The following CDH2 variants were observed in gnomAD, a reference collection of about 807,000 sequenced individuals.
The protein encoded by CDH2 is cadherin 2, also known as cadherin-2.
In CDH2, 17 loss-of-function variants were observed where a neutral mutation model predicts 92.0. The observed-to-expected ratio is 0.18, with a 90% CI of 0.13 to 0.28. The LOEUF (loss-of-function observed/expected upper bound fraction) is 0.28. Among genes scored for constraint, CDH2 ranks in the 10% least tolerant of loss-of-function variants. The pLI, the probability that CDH2 is intolerant of heterozygous loss-of-function variation, is 1.00. For missense variants in CDH2, 862 were observed against 1,133.1 expected (o/e 0.76, Z 3.44); for synonymous variants, 419 against 415.9 (o/e 1.01, Z -0.09).
At chr18:28,166,151 T>TATATATAC (rs1555648254) in intron 1 of CDH2, among the ~76,000 whole-genome samples, 99 of 130,562 alleles carry the variant, frequency 7.6e-4, no homozygotes, top group Admixed American at 5.3e-3. Flanking sequence ...GACACACTCA[T>TATATATAC]ATATATATAT....
chr18:27,989,340 G>A (rs1456785212), intron 10 of CDH2, among the ~76,000 whole-genome samples: 1 of 152,162 alleles, frequency 6.6e-6, no homozygotes, highest in Non-Finnish European at 1.5e-5. Flanking sequence ...GCTATGTTTG[G>A]AAAGGTACAA....
At chr18:28,001,875 G>A (rs2012777716) in intron 7 of CDH2, among the ~76,000 whole-genome samples, 1 of 152,192 alleles carries the variant, frequency 6.6e-6, no homozygotes, top group Admixed American at 6.5e-5. Flanking sequence ...CAAATAAAGT[G>A]TCAAAAAACA....
intron 6 of CDH2, among the ~76,000 whole-genome samples, chr18:27,943,712 T>C (rs1331336418): frequency 6.6e-6 from 1 of 152,190 alleles, no homozygotes; most frequent in Non-Finnish European, 1.5e-5. Context: ...TGTTGTTGGA[T>C]GGGTTTCTGT....
chr18:28,100,623 T>C (rs971397656), intron 2 of CDH2, among the ~76,000 whole-genome samples: 1 of 151,814 alleles, frequency 6.6e-6, no homozygotes, highest in African/African-American at 2.4e-5. Flanking sequence ...AGAGGAGTCC[T>C]GAGTTTCTCC....
At chr18:27,976,086 A>T (rs760423256) in intron 14 of CDH2, among the ~76,000 whole-genome samples, 3 of 152,194 alleles carry the variant, frequency 2.0e-5, no homozygotes, top group Non-Finnish European at 2.9e-5. Flanking sequence ...ATTATTCAGA[A>T]GGAACCAATC....
chr18:28,065,138 T>A (rs2014482074), intron 2 of CDH2, among the ~76,000 whole-genome samples: 1 of 152,190 alleles, frequency 6.6e-6, no homozygotes, highest in Admixed American at 6.5e-5. Context: ...TGTAGCTCAC[T>A]GTAATACTCT....
At chr18:28,138,699 A>C (rs896311230) in intron 2 of CDH2, among the ~76,000 whole-genome samples, 8 of 152,086 alleles carry the variant, frequency 5.3e-5, no homozygotes, top group Non-Finnish European at 1.0e-4. Flanking sequence ...GTTCCTTGAG[A>C]AAGGCCTGCC....
chr18:28,141,078 G>A (rs1486858321), intron 2 of CDH2, among the ~76,000 whole-genome samples: 1 of 151,746 alleles, frequency 6.6e-6, no homozygotes, highest in Admixed American at 6.6e-5. Flanking sequence ...CTGCTAGTGG[G>A]AATGCAAAAT....
Position 27,992,708 on chromosome 18 carries a change from A to G in CDH2, c.1291T>C (p.Phe431Leu), listed in dbSNP as rs1599017041. The G allele has an allele frequency of 1.2e-6, 2 of 1,613,712 alleles. No homozygotes were observed. Among genetic ancestry groups the G allele is most frequent in the South Asian group, 2.2e-5 (2 of 91,006 alleles). ...RISGGDPTGR[F>L]AIQTDPNSND... Reference sequence around the variant, plus strand: ...CTGTTTGGGTCGGTCTGGATGGCGAACCGTCCAGTAGGATCTCCGCCACTG... The same window carrying G: ...CTGTTTGGGTCGGTCTGGATGGCGAGCCGTCCAGTAGGATCTCCGCCACTG... Residue 431 changes from phenylalanine (F) to leucine (L), a missense_variant, in exon 9 of 16, where the codon TTC becomes CTC. Physicochemically the swap from Phe to Leu is conservative, Grantham distance 22 (BLOSUM62 0). Around this residue, in one of 5 missense-constraint regions of CDH2, gnomAD observed 564 missense variants for 722.2 expected, o/e 0.78. Transcript: ENST00000269141.
intron 2 of CDH2, among the ~76,000 whole-genome samples, chr18:28,091,188 G>T (rs937187301): frequency 2.0e-5 from 3 of 152,070 alleles, no homozygotes; most frequent in Non-Finnish European, 4.4e-5. Context: ...GTTTTGTTTT[G>T]TTTTTTTCCT....
intron 2 of CDH2, among the ~76,000 whole-genome samples, chr18:28,017,491 G>T (rs541881295): frequency 6.6e-6 from 1 of 152,050 alleles, no homozygotes; most frequent in Non-Finnish European, 1.5e-5. Flanking sequence ...AGCTTATTTG[G>T]ATATTCTCTC....
At chr18:27,961,040 A>G (rs1598990050) in intron 15 of CDH2, among the ~76,000 whole-genome samples, 1 of 151,494 alleles carries the variant, frequency 6.6e-6, no homozygotes, top group East Asian at 1.9e-4. Flanking sequence ...CAAAAAAAAA[A>G]TCAATGACCA....
intron 2 of CDH2, among the ~76,000 whole-genome samples, chr18:28,127,446 G>A (rs779171602): frequency 6.6e-6 from 1 of 152,148 alleles, no homozygotes; most frequent in African/African-American, 2.4e-5. Flanking sequence ...AGCCATAAGC[G>A]CAAGGCCCTG....
chr18:28,016,926 T>C (rs532661807), intron 2 of CDH2, among the ~76,000 whole-genome samples: 2 of 152,326 alleles, frequency 1.3e-5, no homozygotes, highest in South Asian at 2.1e-4. Flanking sequence ...ATCACATTTA[T>C]TGACTTGCAG....
chr18:28,099,830 C>T (rs150388051), intron 2 of CDH2, among the ~76,000 whole-genome samples: 2 of 152,218 alleles, frequency 1.3e-5, no homozygotes, highest in East Asian at 1.9e-4. Flanking sequence ...GAAAATCTTA[C>T]TTTCAAAGGT....
chr18:28,054,427 G>A (rs1281541329), intron 2 of CDH2, among the ~76,000 whole-genome samples: 1 of 152,152 alleles, frequency 6.6e-6, no homozygotes, highest in East Asian at 1.9e-4. Flanking sequence ...GAGGCTAAAA[G>A]ATTAAACAAA....
downstream of CDH2, among the ~76,000 whole-genome samples, chr18:27,949,632 AAAG>A (rs1488453738): frequency 2.8e-4 from 43 of 152,066 alleles, no homozygotes; most frequent in South Asian, 1.5e-3. Flanking sequence ...CATAAAAACA[AAAG>A]AAAATCATTA....
intron 11 of CDH2, among the ~76,000 whole-genome samples, chr18:27,986,772 G>A (rs1369571313): frequency 1.3e-5 from 2 of 152,086 alleles, no homozygotes; most frequent in Admixed American, 1.3e-4. Context: ...TGAACTGGAA[G>A]GGTATAGTGG....
rs1403381451 is a variant in CDH2, at chr18:27,951,505, T to C, written c.*648A>G. ...ACAGAAATAAAAAAGTGTACATGGA[T>C]TAAGACCAAAATGTGTCTAACATTC... On this transcript the variant is annotated 3_prime_UTR_variant, in exon 16 of 16. Transcript: ENST00000269141. 1 of 152,712 alleles carries C rather than the reference T, an allele frequency of 6.5e-6. No individual in the cohort carries two copies. Among genetic ancestry groups the C allele is most frequent in the African/African-American group, 2.4e-5 (1 of 41,428 alleles). 9.5% of individuals were successfully genotyped at this position (152,712 alleles called of 1,614,324 possible).
Sources: allele counts gnomAD v4.1 joint callset (sites outside exome capture counted in the v4.1 genomes callset), GRCh38; gene constraint gnomAD v4.1.1; regional missense constraint gnomAD v4.1.1; transcripts MANE v1.5; gene names NCBI Gene and HGNC (gene_info 2026-07-23, HGNC 2026-07-21).